Variants in MCU observed in about 807,000 individuals in gnomAD.
MCU encodes mitochondrial calcium uniporter.
A neutral mutation model predicts 45.2 loss-of-function variants in MCU; 12 were observed. The ratio of observed to expected loss-of-function variants is 0.27; its 90% CI spans 0.17 to 0.43. MCU has a LOEUF of 0.43. Ranked by LOEUF, MCU falls within the 20% of genes least tolerant of loss-of-function variation. The probability of loss-of-function intolerance (pLI) is 1.00; values close to 1 mark genes in which losing one functional copy is unlikely to be tolerated. For synonymous variants in MCU, 160 were observed against 165.1 expected, an observed-to-expected ratio of 0.97 and a Z score of 0.24; for missense variants, 324 against 436.7, an observed-to-expected ratio of 0.74 and a Z score of 2.30.
chr10:72,739,286 C>T (rs1223513823), intron 1 of MCU, among the ~76,000 whole-genome samples: 2 of 152,038 alleles, frequency 1.3e-5, no homozygotes, highest in East Asian at 1.9e-4. Context: ...TGAGATAGAC[C>T]GTTCCTTTCA....
At chr10:72,694,407 T>A (rs1842661983) in intron 1 of MCU, among the ~76,000 whole-genome samples, 1 of 152,224 alleles carries the variant, frequency 6.6e-6, no homozygotes, top group Non-Finnish European at 1.5e-5. Context: ...TTCTCACCTC[T>A]TATTGTGTTC....
chr10:72,737,469 T>C (rs779479760), intron 1 of MCU, among the ~76,000 whole-genome samples: 3 of 152,112 alleles, frequency 2.0e-5, no homozygotes, highest in South Asian at 4.2e-4. Flanking sequence ...GAAGCAGCCA[T>C]GTATGAATTC....
chr10:72,786,096 T>C (rs1402411848), intron 1 of MCU, among the ~76,000 whole-genome samples: 1 of 152,106 alleles, frequency 6.6e-6, no homozygotes, highest in Admixed American at 6.6e-5. Flanking sequence ...AAAGGAACGA[T>C]TTGCTGTGGA....
chr10:72,852,877 A>G (rs965627845), intron 2 of MCU, among the ~76,000 whole-genome samples: 1 of 152,240 alleles, frequency 6.6e-6, no homozygotes, highest in African/African-American at 2.4e-5. Flanking sequence ...TATAAAATGA[A>G]TAATTTTGCT....
chr10:72,853,649 A>G (rs904804219), intron 2 of MCU, among the ~76,000 whole-genome samples: 5 of 152,192 alleles, frequency 3.3e-5, no homozygotes, highest in African/African-American at 1.2e-4. Context: ...AACAACTCCC[A>G]ACCATTCATA....
intron 1 of MCU, among the ~76,000 whole-genome samples, chr10:72,788,463 A>G (rs561016764): frequency 1.3e-5 from 2 of 152,320 alleles, no homozygotes; most frequent in South Asian, 2.1e-4. Context: ...TGTCTCTACA[A>G]AAAATTAAGA....
At chr10:72,711,855 G>A (rs538616437) in intron 1 of MCU, among the ~76,000 whole-genome samples, 3 of 151,288 alleles carry the variant, frequency 2.0e-5, no homozygotes, top group Non-Finnish European at 2.9e-5. Context: ...GGGACTACAG[G>A]CGCCCACCAC....
intron 1 of MCU, among the ~76,000 whole-genome samples, chr10:72,830,387 A>T (rs1844861948): frequency 6.6e-6 from 1 of 152,242 alleles, no homozygotes. Flanking sequence ...TAGAGGACAG[A>T]GGATTTCTGT....
chr10:72,809,360 A>G (rs2132797263), intron 1 of MCU, among the ~76,000 whole-genome samples: 1 of 152,318 alleles, frequency 6.6e-6, no homozygotes, highest in African/African-American at 2.4e-5. Context: ...GCTCTTAACC[A>G]CTGAATTATA....
chr10:72,701,549 C>T (rs778743797), intron 1 of MCU, among the ~76,000 whole-genome samples: 19 of 152,078 alleles, frequency 1.2e-4, no homozygotes, highest in Non-Finnish European at 1.9e-4. Context: ...TGTTTTGAGA[C>T]GGAGTCTTAC....
intron 1 of MCU, among the ~76,000 whole-genome samples, chr10:72,798,209 A>T (rs1483108706): frequency 6.6e-6 from 1 of 152,214 alleles, no homozygotes; most frequent in Non-Finnish European, 1.5e-5. Context: ...CAGAAAAATT[A>T]CTCAGTGGGA....
At chr10:72,755,867 G>GTC (rs1032918839) in intron 1 of MCU, among the ~76,000 whole-genome samples, 1 of 149,862 alleles carries the variant, frequency 6.7e-6, no homozygotes, top group African/African-American at 2.5e-5. Context: ...TTGAGACAGA[G>GTC]TCTCTCTCTC....
intron 1 of MCU, chr10:72,760,614 CAAA>C (rs1209083160): frequency 6.8e-6 from 1 of 146,286 alleles, no homozygotes. Context: ...ACTGCAGCCT[CAAA>C]CTCCTGGGCT....
intron 6 of MCU, among the ~76,000 whole-genome samples, chr10:72,883,002 G>A (rs1195634723): frequency 6.6e-6 from 1 of 152,158 alleles, no homozygotes; most frequent in Non-Finnish European, 1.5e-5. Context: ...GACTATCAGG[G>A]CAGATTCCCC....
At chr10:72,879,613 TCA>T (rs1379967508) in intron 6 of MCU, among the ~76,000 whole-genome samples, 1 of 152,168 alleles carries the variant, frequency 6.6e-6, no homozygotes, top group Non-Finnish European at 1.5e-5. Context: ...AGAAAGATTA[TCA>T]CACGTGAAAA....
intron 1 of MCU, among the ~76,000 whole-genome samples, chr10:72,713,656 A>G (rs939593032): frequency 1.3e-5 from 2 of 151,966 alleles, no homozygotes; most frequent in African/African-American, 2.4e-5. Flanking sequence ...GGCCTTTTGT[A>G]TTTTTCTTGT....
intron 1 of MCU, among the ~76,000 whole-genome samples, chr10:72,797,487 A>C (rs1188840506): frequency 6.6e-6 from 1 of 150,892 alleles, no homozygotes; most frequent in Non-Finnish European, 1.5e-5. Flanking sequence ...CAGCCTCTCA[A>C]AGTGTTGGGA....
intron 1 of MCU, among the ~76,000 whole-genome samples, chr10:72,774,672 A>G (rs1049243077): frequency 2.0e-5 from 3 of 152,150 alleles, no homozygotes; most frequent in African/African-American, 7.2e-5. Context: ...TAATAAAGTC[A>G]CACATAAGCT....
chr10:72,770,724 CCTCTACTTACTTT>C (rs1843793529), intron 1 of MCU, among the ~76,000 whole-genome samples: 1 of 151,998 alleles, frequency 6.6e-6, no homozygotes, highest in African/African-American at 2.4e-5. Context: ...TTCATGTTTG[CCTCTACTTACTTT>C]CTTTGTTCTG....
Sources: gnomAD v4.1 joint callset for allele counts (sites outside exome capture counted in the v4.1 genomes callset) on GRCh38, gnomAD v4.1.1 for gene constraint, MANE v1.5 for transcripts, NCBI Gene and HGNC (gene_info 2026-07-23, HGNC 2026-07-21) for gene names.